Variants in CCDC91 observed in about 807,000 individuals in gnomAD.
CCDC91 encodes the protein coiled-coil domain containing 91, also known as coiled-coil domain-containing protein 91.
A neutral mutation model predicts 63.2 loss-of-function variants in CCDC91; 48 were observed. The ratio of observed to expected loss-of-function variants is 0.76; its 90% CI spans 0.60 to 0.97. CCDC91 has a LOEUF of 0.97. Among genes scored for constraint, CCDC91 ranks in the 50% least tolerant of loss-of-function variants. CCDC91 has a pLI of 0.00. For synonymous variants in CCDC91, 167 were observed against 165.8 expected (o/e 1.01, Z -0.06); for missense variants, 500 against 494.6 (o/e 1.01, Z -0.10).
chr12:28,523,654 A>G (rs570640136), intron 12 of CCDC91, among the ~76,000 whole-genome samples: 1 of 152,124 alleles, frequency 6.6e-6, no homozygotes, highest in South Asian at 2.1e-4. Flanking sequence ...TAGTTGATGC[A>G]TTTTCTTCCT....
intron 8 of CCDC91, among the ~76,000 whole-genome samples, chr12:28,439,084 A>G (rs1351240987): frequency 6.6e-6 from 1 of 152,174 alleles, no homozygotes; most frequent in Non-Finnish European, 1.5e-5. Flanking sequence ...CACTCCCTTA[A>G]GTCAAAGTCC....
chr12:28,288,458 A>G (rs141937975), intron 3 of CCDC91, among the ~76,000 whole-genome samples: 8 of 151,790 alleles, frequency 5.3e-5, no homozygotes, highest in Non-Finnish European at 8.8e-5. Context: ...TGAGATAATC[A>G]TGTGTTTCTT....
rs1056763544 is a variant in CCDC91, at chr12:28,448,960, GTTAA to G, written c.763-1197_763-1194del. Among the ~76,000 whole-genome samples the G allele has an allele frequency of 1.8e-4, 27 of 152,050 alleles. 1 individual carries two copies. The highest frequency in any genetic ancestry group is 3.4e-3 in the Middle Eastern group (1 of 292). ...AAATCTCAGTTATTAATACTTATACGTTAATTATGTGGTAAGTCTACTCATTTGT... is the reference window on the plus strand; with the variant it reads ...AAATCTCAGTTATTAATACTTATACGTTATGTGGTAAGTCTACTCATTTGT... On this transcript the variant is annotated intron_variant, in intron 8 of 12. Coordinates refer to ENST00000536442, the MANE Select transcript of CCDC91 (RefSeq NM_018318.5).
At chr12:28,427,616 A>T (rs1384141962) in intron 8 of CCDC91, among the ~76,000 whole-genome samples, 1 of 152,102 alleles carries the variant, frequency 6.6e-6, no homozygotes, top group African/African-American at 2.4e-5. Context: ...TTACCAGTTT[A>T]TATCTCCAGC....
intron 12 of CCDC91, among the ~76,000 whole-genome samples, chr12:28,543,483 C>T (rs185612129): frequency 1.6e-4 from 25 of 152,006 alleles, no homozygotes; most frequent in East Asian, 7.7e-4. Flanking sequence ...CAGAAAAGAG[C>T]GATGGGGAAG....
intron 6 of CCDC91, among the ~76,000 whole-genome samples, chr12:28,326,621 G>T (rs143501096): frequency 7.2e-5 from 10 of 139,058 alleles, no homozygotes; most frequent in Admixed American, 3.2e-4. Context: ...TCATTGTTCA[G>T]TTCCCACCTA....
intron 6 of CCDC91, among the ~76,000 whole-genome samples, chr12:28,341,184 T>A (rs1211987308): frequency 6.6e-6 from 1 of 152,144 alleles, no homozygotes; most frequent in African/African-American, 2.4e-5. Flanking sequence ...CCCCTTGAAA[T>A]CCAGCTGCTT....
intron 7 of CCDC91, among the ~76,000 whole-genome samples, chr12:28,387,839 G>A (rs1395840607): frequency 1.3e-5 from 2 of 152,116 alleles, no homozygotes; most frequent in African/African-American, 2.4e-5. Context: ...GAATTGTTCC[G>A]CTATAAACGT....
intron 3 of CCDC91, among the ~76,000 whole-genome samples, chr12:28,292,106 A>T (rs1217561483): frequency 6.6e-6 from 1 of 152,230 alleles, no homozygotes; most frequent in Non-Finnish European, 1.5e-5. Context: ...TTTGTCTAAC[A>T]TCATTTCCAT....
intron 1 of CCDC91, among the ~76,000 whole-genome samples, chr12:28,209,455 A>C (rs549444022): frequency 1.2e-4 from 18 of 151,874 alleles, no homozygotes; most frequent in African/African-American, 3.1e-4. Context: ...TCTTCTTCTT[A>C]TTTTTTTGAG....
intron 11 of CCDC91, among the ~76,000 whole-genome samples, chr12:28,479,857 A>G (rs1361197022): frequency 2.0e-5 from 3 of 151,968 alleles, no homozygotes; most frequent in East Asian, 1.9e-4. Context: ...GAGCTAGCCT[A>G]TTTACTTTTG....
chr12:28,450,196 G>A lies in CCDC91; in HGVS notation c.798G>A (p.Lys266=). 1 of 1,609,662 alleles carries A rather than the reference G, an allele frequency of 6.2e-7. No individual in the cohort carries two copies. The highest frequency in any genetic ancestry group is 1.1e-5 in the South Asian group (1 of 90,498). Residue 266 remains lysine, a synonymous_variant, in exon 9 of 13, where the codon AAG becomes AAA. Coordinates refer to ENST00000536442, the MANE Select transcript of CCDC91 (RefSeq NM_018318.5). ...QRLLEMLDTE[K]ELLKEKIKEA... is the part of the protein sequence containing the mutation. Reference sequence around the variant, plus strand: ...TCCTTGAAATGCTAGATACAGAGAAGGAACTGTTAAAAGAAAAAATAAAGG... The same window carrying A: ...TCCTTGAAATGCTAGATACAGAGAAAGAACTGTTAAAAGAAAAAATAAAGG...
At chr12:28,425,346 A>G (rs1323319981) in intron 8 of CCDC91, among the ~76,000 whole-genome samples, 1 of 152,038 alleles carries the variant, frequency 6.6e-6, no homozygotes, top group African/African-American at 2.4e-5. Context: ...CCTTAGAGAC[A>G]CTTTTCCCCC....
Position 28,476,422 on chromosome 12 carries a change from G to A in CCDC91, c.1102-7630G>A, listed in dbSNP as rs538245634. The stretch of plus-strand genomic sequence containing the variant: ...AATAAAGATGTTCTTTGAAACCAGC[G>A]AGAACAAAGGCACAACATTCCAGAA... On this transcript the variant is annotated intron_variant, in intron 11 of 12. Coordinates refer to ENST00000536442, the MANE Select transcript of CCDC91 (RefSeq NM_018318.5). Among the ~76,000 whole-genome samples the A allele has an allele frequency of 3.9e-5, 6 of 152,162 alleles. No homozygotes were observed. The South Asian group carries it at 1.0e-3, about 26-fold the overall frequency.
At chr12:28,203,885 A>G (rs1386960651) in intron 1 of CCDC91, among the ~76,000 whole-genome samples, 1 of 152,172 alleles carries the variant, frequency 6.6e-6, no homozygotes. Context: ...AAATGATTAT[A>G]CTGAATATTA....
intron 7 of CCDC91, among the ~76,000 whole-genome samples, chr12:28,363,826 G>A (rs1433715685): frequency 7.2e-6 from 1 of 139,270 alleles, no homozygotes; most frequent in Non-Finnish European, 1.5e-5. Flanking sequence ...GCAGTGAGCC[G>A]AGATTGCGCC....
At chr12:28,285,845 A>G (rs1375998681) in intron 3 of CCDC91, among the ~76,000 whole-genome samples, 2 of 151,854 alleles carry the variant, frequency 1.3e-5, no homozygotes, top group Non-Finnish European at 2.9e-5. Context: ...TTGCATATCT[A>G]TGTTTTGATC....
chr12:28,343,737 T>G (rs1309448315), intron 6 of CCDC91, among the ~76,000 whole-genome samples: 1 of 152,160 alleles, frequency 6.6e-6, no homozygotes, highest in Non-Finnish European at 1.5e-5. Flanking sequence ...CAAATTCTTA[T>G]GGAATATTTG....
chr12:28,441,604 CATATAT>C (rs3037229), intron 8 of CCDC91, among the ~76,000 whole-genome samples: 1 of 147,812 alleles, frequency 6.8e-6, no homozygotes, highest in Non-Finnish European at 1.5e-5. Context: ...TGTATGTATA[CATATAT>C]ATATATATAT....
Sources: gnomAD v4.1 joint callset for allele counts (sites outside exome capture counted in the v4.1 genomes callset) on GRCh38, gnomAD v4.1.1 for gene constraint, MANE v1.5 for transcripts, NCBI Gene and HGNC (gene_info 2026-07-23, HGNC 2026-07-21) for gene names.